Variants in RBFOX1 observed in about 807,000 individuals in gnomAD.
The protein encoded by RBFOX1 is RNA binding fox-1 homolog 1.
A neutral mutation model predicts 57.7 loss-of-function variants in RBFOX1; 8 were observed. That is an observed-to-expected ratio of 0.14 (90% CI 0.08 to 0.25). The LOEUF (loss-of-function observed/expected upper bound fraction) is 0.25, where lower values mean the gene tolerates loss of function less well. Ranked by LOEUF, RBFOX1 falls within the 10% of genes least tolerant of loss-of-function variation. The probability of loss-of-function intolerance (pLI) is 1.00; values close to 1 mark genes in which losing one functional copy is unlikely to be tolerated. For synonymous variants in RBFOX1, 326 were observed against 222.4 expected, an observed-to-expected ratio of 1.47 and a Z score of -4.15; for missense variants, 611 against 548.5, an observed-to-expected ratio of 1.11 and a Z score of -1.14.
chr16:5,868,538 G>C (rs2057394637), intron 4 of RBFOX1, among the ~76,000 whole-genome samples: 1 of 152,216 alleles, frequency 6.6e-6, no homozygotes, highest in Non-Finnish European at 1.5e-5. Flanking sequence ...AAACACCTAA[G>C]GGGAGATCAT....
chr16:5,816,617 C>G (rs960730435), intron 3 of RBFOX1, among the ~76,000 whole-genome samples: 1 of 152,080 alleles, frequency 6.6e-6, no homozygotes, highest in Admixed American at 6.5e-5. Context: ...AACTTCGTTT[C>G]TATAAAAAAA....
chr16:6,683,173 C>T (rs1012595802), intron 3 of RBFOX1, among the ~76,000 whole-genome samples: 1 of 152,058 alleles, frequency 6.6e-6, no homozygotes, highest in African/African-American at 2.4e-5. Flanking sequence ...ACACAGAGGA[C>T]TTACATTAAA....
At chr16:7,032,133 A>G (rs1395156757) in intron 3 of RBFOX1, among the ~76,000 whole-genome samples, 1 of 152,036 alleles carries the variant, frequency 6.6e-6, no homozygotes, top group Non-Finnish European at 1.5e-5. Flanking sequence ...ATTTTTAAAA[A>G]TCTTATCTTG....
At chr16:5,324,933 C>G (rs953161585) in intron 1 of RBFOX1, among the ~76,000 whole-genome samples, 11 of 152,206 alleles carry the variant, frequency 7.2e-5, no homozygotes, top group South Asian at 2.1e-4. Flanking sequence ...CAGGGACACT[C>G]AGCCAGCTGG....
At chr16:7,445,995 C>G (rs929850053) in intron 4 of RBFOX1, among the ~76,000 whole-genome samples, 2 of 152,162 alleles carry the variant, frequency 1.3e-5, no homozygotes, top group Admixed American at 1.3e-4. Context: ...GGGATCTTCT[C>G]TTTCTAATCT....
intron 4 of RBFOX1, among the ~76,000 whole-genome samples, chr16:5,885,528 T>C (rs1485309989): frequency 1.3e-5 from 2 of 152,058 alleles, no homozygotes; most frequent in Non-Finnish European, 2.9e-5. Context: ...CCTTTTGCTG[T>C]TTTTCAGAAT....
intron 3 of RBFOX1, among the ~76,000 whole-genome samples, chr16:6,860,573 A>G (rs746540538): frequency 1.3e-5 from 2 of 152,214 alleles, no homozygotes; most frequent in Non-Finnish European, 2.9e-5. Context: ...GCACACATGA[A>G]GGAGACACAT....
chr16:6,753,380 A>G (rs1317389641), intron 3 of RBFOX1, among the ~76,000 whole-genome samples: 1 of 152,204 alleles, frequency 6.6e-6, no homozygotes, highest in African/African-American at 2.4e-5. Context: ...TCATATAGTC[A>G]ACACATAGAC....
chr16:7,288,801 A>G (rs1472399695), intron 4 of RBFOX1, among the ~76,000 whole-genome samples: 1 of 152,220 alleles, frequency 6.6e-6, no homozygotes, highest in Non-Finnish European at 1.5e-5. Flanking sequence ...AGAGGGCACC[A>G]CTGCACTCCA....
At chr16:7,050,585 G>C (rs560489036) in intron 3 of RBFOX1, among the ~76,000 whole-genome samples, 1 of 151,962 alleles carries the variant, frequency 6.6e-6, no homozygotes, top group African/African-American at 2.4e-5. Flanking sequence ...TTTCTTTAAT[G>C]ATCTGTTTCA....
intron 4 of RBFOX1, among the ~76,000 whole-genome samples, chr16:7,314,500 G>C (rs566040023): frequency 4.0e-4 from 61 of 152,294 alleles, no homozygotes; most frequent in African/African-American, 1.5e-3. Context: ...GATTCACTTA[G>C]ACACATTTTC....
At chr16:7,281,123 C>G (rs941027377) in intron 4 of RBFOX1, among the ~76,000 whole-genome samples, 4 of 151,944 alleles carry the variant, frequency 2.6e-5, no homozygotes, top group Middle Eastern at 3.4e-3. Context: ...CTGCCTCAGC[C>G]TCCTGAATAG....
chr16:6,856,969 A>G (rs1387454295), intron 3 of RBFOX1, among the ~76,000 whole-genome samples: 1 of 152,182 alleles, frequency 6.6e-6, no homozygotes, highest in Admixed American at 6.5e-5. Context: ...AAAGGGAGGG[A>G]CAAAGAGAAG....
chr16:6,445,686 G>A lies in RBFOX1; in HGVS notation c.-64+128629G>A, dbSNP rs969825633. Among the ~76,000 whole-genome samples, 12 of 150,586 alleles carry A rather than the reference G, an allele frequency of 8.0e-5. 1 individual carries two copies. The highest frequency in any genetic ancestry group is 2.2e-4 in the African/African-American group (9 of 40,944). The stretch of plus-strand genomic sequence containing the variant: ...CAACCTCCACCCCCTGGGTTCAAGC[G>A]ATTCTCCTGCCTCAGCCTCCCGAGT... On this transcript the variant is annotated intron_variant, in intron 2 of 15. Transcript: ENST00000550418.
Position 6,572,848 on chromosome 16 carries a change from C to A in RBFOX1, c.-63-81755C>A, listed in dbSNP as rs143831135. 9.9e-3 allele frequency among the ~76,000 whole-genome samples: 1,513 copies of A among 152,242 alleles called. 28 individuals are homozygous for A. The highest frequency in any genetic ancestry group is 0.031 in the African/African-American group (1,297 of 41,528). Reference sequence around the variant, plus strand: ...ACCTCAAGTGATCCACCCACCTTCGCCTCCCAAAGTGTTGGGATTTCAGGA... The same window carrying A: ...ACCTCAAGTGATCCACCCACCTTCGACTCCCAAAGTGTTGGGATTTCAGGA... On this transcript the variant is annotated intron_variant, in intron 2 of 15. Transcript: ENST00000550418.
At chr16:6,168,875 A>C (rs1347806789) in intron 1 of RBFOX1, among the ~76,000 whole-genome samples, 1 of 150,866 alleles carries the variant, frequency 6.6e-6, no homozygotes, top group Admixed American at 6.6e-5. Context: ...AGTGACCTTG[A>C]TGTTTTTCGT....
At chr16:7,634,545 T>C (rs1188610098) in intron 11 of RBFOX1, among the ~76,000 whole-genome samples, 3 of 152,238 alleles carry the variant, frequency 2.0e-5, no homozygotes, top group African/African-American at 7.2e-5. Context: ...TATCTGCTTT[T>C]GATATGCATT....
At chr16:6,492,742 T>C (rs141768577) in intron 2 of RBFOX1, among the ~76,000 whole-genome samples, 78 of 152,238 alleles carry the variant, frequency 5.1e-4, no homozygotes, top group African/African-American at 1.8e-3. Flanking sequence ...AGTAGGGTGA[T>C]TGGAGGTCAA....
intron 1 of RBFOX1, among the ~76,000 whole-genome samples, chr16:5,261,741 G>A (rs886070711): frequency 1.5e-4 from 23 of 151,934 alleles, no homozygotes; most frequent in African/African-American, 5.3e-4. Context: ...TGGTAGACAC[G>A]GGGTTTCACC....
Sources: allele counts gnomAD v4.1 joint callset (sites outside exome capture counted in the v4.1 genomes callset), GRCh38; gene constraint gnomAD v4.1.1; transcripts MANE v1.5; gene names NCBI Gene and HGNC (gene_info 2026-07-23, HGNC 2026-07-21).